The following STRN3 variants were observed in gnomAD, a reference collection of about 807,000 sequenced individuals.
STRN3 encodes the protein striatin-3.
Under a neutral mutation model 95.6 loss-of-function variants are expected in STRN3, and 29 were observed. That is an observed-to-expected ratio of 0.30 (90% CI 0.23 to 0.41). The LOEUF is 0.41. STRN3 is among the 10% of genes least tolerant of loss of function. STRN3 has a pLI of 1.00. For synonymous variants in STRN3, 331 were observed against 357.6 expected (o/e 0.93, Z 0.84); for missense variants, 890 against 972.1 (o/e 0.92, Z 1.12).
At chr14:30,987,572 A>C (rs939905859) in intron 1 of STRN3, among the ~76,000 whole-genome samples, 1 of 152,112 alleles carries the variant, frequency 6.6e-6, no homozygotes, top group East Asian at 1.9e-4. Flanking sequence ...AATACGTCAC[A>C]ACCAGGCCAT....
At chr14:31,003,283 AAAAG>A (rs1415748474) in intron 1 of STRN3, among the ~76,000 whole-genome samples, 2 of 151,822 alleles carry the variant, frequency 1.3e-5, no homozygotes, top group African/African-American at 4.8e-5. Context: ...AAAGAAAAGA[AAAAG>A]AAAGAGAAAG....
intron 1 of STRN3, among the ~76,000 whole-genome samples, chr14:30,996,248 G>A (rs977328998): frequency 6.6e-6 from 1 of 152,056 alleles, no homozygotes; most frequent in African/African-American, 2.4e-5. Flanking sequence ...TTGGGTCACC[G>A]ACCACCTAGT....
In STRN3 at chr14:30,897,285, A is replaced by G. The variant is rs116709485; in HGVS notation, c.2138-1537T>C. Among the ~76,000 whole-genome samples, 592 of 152,292 alleles carry G rather than the reference A, an allele frequency of 3.9e-3. 1 individual carries two copies. Among genetic ancestry groups the G allele is most frequent in the African/African-American group, 0.014 (569 of 41,560 alleles). ...TGTAAAAATACACTCCAAAAAACCT[A>G]TAAAAAGTAATATAGTAGGCCAGCT... On this transcript the variant is annotated intron_variant, in intron 16 of 17. Coordinates refer to ENST00000357479, the MANE Select transcript of STRN3 (RefSeq NM_001083893.2).
In STRN3 at chr14:30,894,970, G is replaced by C. The variant is rs1462412337; in HGVS notation, c.*441C>G. 1.0e-6 allele frequency: 1 copy of C among 987,920 alleles called. No individual in the cohort carries two copies. The highest frequency in any genetic ancestry group is 9.6e-5 in the East Asian group (1 of 10,410). 61.2% of individuals were successfully genotyped at this position (987,920 alleles called of 1,614,324 possible). ...CAACCGATAAACAGAAGATCACTAAGAGATGAAAAAAAGCTACTCTTGGAG... is the reference window on the plus strand; with the variant it reads ...CAACCGATAAACAGAAGATCACTAACAGATGAAAAAAAGCTACTCTTGGAG... On this transcript the variant is annotated 3_prime_UTR_variant, in exon 18 of 18. Coordinates refer to ENST00000357479, the MANE Select transcript of STRN3 (RefSeq NM_001083893.2).
intron 1 of STRN3, among the ~76,000 whole-genome samples, chr14:30,973,026 T>C (rs1015678090): frequency 6.6e-6 from 1 of 152,126 alleles, no homozygotes; most frequent in Non-Finnish European, 1.5e-5. Flanking sequence ...CTCGCCAACA[T>C]GGTGAAATCC....
At chr14:31,013,542 G>A (rs1270341901) in intron 1 of STRN3, among the ~76,000 whole-genome samples, 1 of 152,004 alleles carries the variant, frequency 6.6e-6, no homozygotes, top group Admixed American at 6.6e-5. Context: ...AGTGGGGGGT[G>A]GTAGACAGGA....
chr14:31,014,597 C>T (rs1220719461), intron 1 of STRN3: 1 of 423,978 alleles, frequency 2.4e-6, no homozygotes, highest in African/African-American at 2.2e-5. Context: ...TTTTACTTTA[C>T]ATTTATAATT....
At chr14:30,904,456 G>A (rs376782344) in intron 15 of STRN3, among the ~76,000 whole-genome samples, 4 of 152,280 alleles carry the variant, frequency 2.6e-5, no homozygotes, top group East Asian at 3.9e-4. Context: ...CACCTTTAGA[G>A]GGTGCTAGCA....
intron 8 of STRN3, among the ~76,000 whole-genome samples, chr14:30,927,296 C>T (rs1878230973): frequency 6.6e-6 from 1 of 151,702 alleles, no homozygotes; most frequent in Non-Finnish European, 1.5e-5. Flanking sequence ...AACCTGGGTT[C>T]TAAAAAAAAT....
At chr14:30,958,311 A>AAAAAAT (rs1220148342) in intron 1 of STRN3, among the ~76,000 whole-genome samples, 1 of 152,140 alleles carries the variant, frequency 6.6e-6, no homozygotes, top group Non-Finnish European at 1.5e-5. Context: ...CCCTACCTCT[A>AAAAAAT]AAAAATAAAA....
chr14:30,962,233 AAAAAG>A (rs1397298890), intron 1 of STRN3, among the ~76,000 whole-genome samples: 1 of 152,248 alleles, frequency 6.6e-6, no homozygotes, highest in Non-Finnish European at 1.5e-5. Flanking sequence ...GAATAAAGAT[AAAAAG>A]AAAATATTTT....
intron 1 of STRN3, among the ~76,000 whole-genome samples, chr14:30,990,199 G>C (rs1257819456): frequency 4.7e-5 from 7 of 149,744 alleles, no homozygotes. Flanking sequence ...GTATCACTCT[G>C]TTACCCAGGC....
chr14:30,932,947 T>C (rs1182119819), intron 7 of STRN3, among the ~76,000 whole-genome samples: 1 of 152,170 alleles, frequency 6.6e-6, no homozygotes, highest in South Asian at 2.1e-4. Flanking sequence ...AATAAAATTA[T>C]GGCACATTAT....
At chr14:30,962,253 T>C (rs1880245855) in intron 1 of STRN3, among the ~76,000 whole-genome samples, 1 of 152,232 alleles carries the variant, frequency 6.6e-6, no homozygotes, top group Non-Finnish European at 1.5e-5. Context: ...TATTTTTATA[T>C]AGCTGTACAA....
At chr14:30,950,343 C>CA (rs1455831852) in intron 4 of STRN3, among the ~76,000 whole-genome samples, 1 of 151,980 alleles carries the variant, frequency 6.6e-6, no homozygotes, top group East Asian at 1.9e-4. Flanking sequence ...CAGTAGGCTA[C>CA]AAATCCCAAA....
At chr14:30,992,534 T>G (rs1345102386) in intron 1 of STRN3, among the ~76,000 whole-genome samples, 1 of 122,774 alleles carries the variant, frequency 8.1e-6, no homozygotes, top group Admixed American at 1.0e-4. Context: ...ATTACAAGAG[T>G]GAGCGCCACA....
intron 1 of STRN3, among the ~76,000 whole-genome samples, chr14:31,021,126 G>T (rs567467405): frequency 5.3e-5 from 8 of 152,144 alleles, no homozygotes; most frequent in South Asian, 4.1e-4. Flanking sequence ...AATGTGGCAA[G>T]GAATAAAGAA....
intron 3 of STRN3, among the ~76,000 whole-genome samples, chr14:30,951,584 T>C (rs1303505989): frequency 6.6e-6 from 1 of 152,182 alleles, no homozygotes; most frequent in Non-Finnish European, 1.5e-5. Context: ...CCTTTGAAAT[T>C]AAAAAGCTGT....
chr14:30,948,776 A>G (rs1166057323), intron 4 of STRN3, among the ~76,000 whole-genome samples: 1 of 152,248 alleles, frequency 6.6e-6, no homozygotes, highest in East Asian at 1.9e-4. Context: ...TAAATTGTAA[A>G]TCAGGCAATG....
Sources: allele counts gnomAD v4.1 joint callset (sites outside exome capture counted in the v4.1 genomes callset), GRCh38; gene constraint gnomAD v4.1.1; transcripts MANE v1.5; gene names NCBI Gene and HGNC (gene_info 2026-07-23, HGNC 2026-07-21).